CPM: variants seen among roughly 807,000 people sequenced by gnomAD.
The protein encoded by CPM is renal carboxypeptidase.
Under a neutral mutation model 46.4 loss-of-function variants are expected in CPM, and 35 were observed. That is an observed-to-expected ratio of 0.75 (90% confidence interval 0.58 to 1.00). The LOEUF (loss-of-function observed/expected upper bound fraction) is 1.00. Among genes scored for constraint, CPM ranks in the 50% least tolerant of loss-of-function variants. The pLI is 0.00. For missense variants in CPM, 422 were observed against 530.4 expected (o/e 0.80, Z 2.01); for synonymous variants, 195 against 195.3 (o/e 1.00, Z 0.01).
At chr12:68,938,710 G>A (rs1888710793) in intron 1 of CPM, among the ~76,000 whole-genome samples, 1 of 151,778 alleles carries the variant, frequency 6.6e-6, no homozygotes, top group African/African-American at 2.4e-5. Flanking sequence ...CAAATATAGA[G>A]TAAGCACAGT....
chr12:68,882,146 TTG>T (rs991530254), intron 3 of CPM, among the ~76,000 whole-genome samples: 2 of 151,376 alleles, frequency 1.3e-5, no homozygotes, highest in African/African-American at 4.9e-5. Flanking sequence ...TATAGGTAAA[TTG>T]TGTGTTGTGG....
chr12:68,962,015 G>A (rs534311979), intron 1 of CPM, among the ~76,000 whole-genome samples: 2,262 of 151,886 alleles, frequency 0.015, 26 homozygotes, highest in South Asian at 0.027. Flanking sequence ...CCTGGCTAAC[G>A]CGGTGAAACC....
intron 2 of CPM, among the ~76,000 whole-genome samples, chr12:68,898,660 A>G (rs1415911898): frequency 2.0e-5 from 3 of 152,230 alleles, no homozygotes; most frequent in Non-Finnish European, 4.4e-5. Context: ...TGAACACAGC[A>G]TGTGAGATGA....
downstream of CPM, chr12:68,850,625 C>T (rs184382930): frequency 6.6e-6 from 1 of 152,252 alleles, no homozygotes; most frequent in Admixed American, 6.5e-5. Flanking sequence ...TCTTTGTTTA[C>T]CACTGTTCTC....
At chr12:68,856,942 C>T (rs898396034) in intron 8 of CPM, among the ~76,000 whole-genome samples, 3 of 152,164 alleles carry the variant, frequency 2.0e-5, no homozygotes, top group African/African-American at 7.2e-5. Context: ...CAATGTAAGT[C>T]AAGAGAAGGA....
intron 2 of CPM, among the ~76,000 whole-genome samples, chr12:68,889,727 A>G (rs1886576552): frequency 6.6e-6 from 1 of 152,100 alleles, no homozygotes; most frequent in Admixed American, 6.5e-5. Context: ...TACGCGGTAT[A>G]AGATTCTCCC....
intron 4 of CPM, among the ~76,000 whole-genome samples, chr12:68,870,983 T>C (rs1247827160): frequency 2.0e-5 from 3 of 152,226 alleles, no homozygotes; most frequent in South Asian, 2.1e-4. Context: ...TTAAATATAT[T>C]TGAAAAACTT....
At chr12:68,849,093 CTTT>C (rs796472865), downstream of CPM, 10 of 130,700 alleles carry the variant, frequency 7.7e-5, no homozygotes, top group Non-Finnish European at 8.3e-5. Context: ...ACGGTAGACC[CTTT>C]TTTTTTTTTT....
chr12:68,847,196 T>TTATATATATATGTATATATATATA (rs1884366998), downstream of CPM: 7 of 92,080 alleles, frequency 7.6e-5, no homozygotes, highest in Admixed American at 9.8e-5. Context: ...TGTGTGTACA[T>TTATATATATATGTATATATATATA]TATATATATA....
chr12:68,848,918 G>C (rs1884511806), downstream of CPM: 1 of 151,844 alleles, frequency 6.6e-6, no homozygotes, highest in African/African-American at 2.4e-5. Context: ...TCACTATATT[G>C]GCCAGGCTGG....
At chr12:68,911,985 A>C (rs938888019) in intron 2 of CPM, 1 of 152,046 alleles carries the variant, frequency 6.6e-6, no homozygotes, top group African/African-American at 2.4e-5. Context: ...AAGCCCCCCA[A>C]AGGGAAAAAA....
At chr12:68,842,655 A>G (rs1883882176) in intron 5 of CPM, 1 of 216,254 alleles carries the variant, frequency 4.6e-6, no homozygotes, top group African/African-American at 2.3e-5. Flanking sequence ...ACTAGACAAC[A>G]TGTAATTAAT....
At chr12:68,901,232 A>C (rs1887099270) in intron 2 of CPM, among the ~76,000 whole-genome samples, 1 of 152,270 alleles carries the variant, frequency 6.6e-6, no homozygotes, top group Admixed American at 6.5e-5. Flanking sequence ...AGTCTTAAAA[A>C]AAAGCTGGTG....
At chr12:68,875,803 CAAA>C (rs34998099) in intron 3 of CPM, among the ~76,000 whole-genome samples, 6 of 110,238 alleles carry the variant, frequency 5.4e-5, no homozygotes, top group Non-Finnish European at 6.0e-5. Context: ...GACTCTGTCT[CAAA>C]AAAAAAAAAA....
At chr12:68,955,636 GGAGCTTCACT>G (rs1228174300) in intron 1 of CPM, among the ~76,000 whole-genome samples, 2 of 152,178 alleles carry the variant, frequency 1.3e-5, no homozygotes, top group Non-Finnish European at 2.9e-5. Context: ...AAGGGAGAGA[GGAGCTTCACT>G]GAGCAGCAGA....
Position 68,925,395 on chromosome 12 carries a change from GA to G in CPM, c.160+7282del, listed in dbSNP as rs149118113. 5.8e-3 allele frequency among the ~76,000 whole-genome samples: 884 copies of G among 152,258 alleles called. 11 individuals carry two copies. Among genetic ancestry groups the G allele is most frequent in the African/African-American group, 0.02 (825 of 41,558 alleles). On this transcript the variant is annotated intron_variant, in intron 2 of 8. Coordinates refer to ENST00000551568, the MANE Select transcript of CPM (RefSeq NM_198320.5). ...CTACAAAACTGAGAATCCGGAATTTGAACTTGGGCAGGTGATTCCAAAGCCT... is the reference window on the plus strand; with the variant it reads ...CTACAAAACTGAGAATCCGGAATTTGACTTGGGCAGGTGATTCCAAAGCCT...
chr12:68,843,684 A>G (rs1884004902), intron 5 of CPM: 1 of 212,748 alleles, frequency 4.7e-6, no homozygotes, highest in Non-Finnish European at 9.1e-6. Flanking sequence ...CTAATGGTAC[A>G]TTGTTGCTTC....
Position 68,932,721 on chromosome 12 carries a change from G to A in CPM, c.117C>T (p.Tyr39=), listed in dbSNP as rs144950434. 1 of 1,614,222 alleles carries A rather than the reference G, an allele frequency of 6.2e-7. No homozygotes were observed. The highest frequency in any genetic ancestry group is 8.5e-7 in the Non-Finnish European group (1 of 1,180,032). ...TACTGTGTAAGTGAGTGACAGAACT[G>A]TAGTTTTGGGCAACAGTCTTCAAAA... ...EAFLKTVAQN[Y]SSVTHLHSIG... Residue 39 remains tyrosine (Y), a synonymous_variant, in exon 2 of 9, where the codon TAC becomes TAT. Transcript: ENST00000551568.
intron 3 of CPM, 50 bp downstream of exon 3, chr12:68,885,727 GAGCTCAAGAGACCCT>G (rs1886398208): frequency 2.3e-6 from 3 of 1,303,338 alleles, no homozygotes; most frequent in Non-Finnish European, 3.3e-6. Flanking sequence ...CATTTATACA[GAGCTCAAGAGACCCT>G]AGGGGAAGCT....
Sources: gnomAD v4.1 joint callset for allele counts (sites outside exome capture counted in the v4.1 genomes callset) on GRCh38, gnomAD v4.1.1 for gene constraint, MANE v1.5 for transcripts, NCBI Gene and HGNC (gene_info 2026-07-23, HGNC 2026-07-21) for gene names.